The following TG variants were observed in gnomAD, a reference collection of about 807,000 sequenced individuals.
TG encodes the protein thyroglobulin, also known as thyroid hormones.
TG carries 270 observed loss-of-function variants against 324.7 expected under a neutral mutation model. The ratio of observed to expected loss-of-function variants is 0.83; its 90% CI spans 0.75 to 0.92. The LOEUF (loss-of-function observed/expected upper bound fraction) is 0.92, where lower values mean the gene tolerates loss of function less well. Among genes scored for constraint, TG ranks in the 40% least tolerant of loss-of-function variants. TG has a pLI of 0.00. For synonymous variants in TG, 1,401 were observed against 1,327.0 expected (o/e 1.06, Z -1.21); for missense variants, 3,591 against 3,456.4 (o/e 1.04, Z -0.98).
intron 40 of TG, among the ~76,000 whole-genome samples, 161 bp from the exon 41 acceptor site, chr8:133,029,660 C>A (rs953266881): frequency 6.6e-6 from 1 of 152,268 alleles, no homozygotes; most frequent in South Asian, 2.1e-4. Context: ...TGCTCCTCCA[C>A]TGTTCCTCAC....
intron 35 of TG, among the ~76,000 whole-genome samples, chr8:133,004,779 G>T (rs1469360901): frequency 6.6e-6 from 1 of 152,126 alleles, no homozygotes; most frequent in Non-Finnish European, 1.5e-5. Context: ...TGAGTGCTGT[G>T]ACCAGATGCG....
intron 35 of TG, among the ~76,000 whole-genome samples, chr8:132,985,116 G>A (rs1831363982): frequency 6.6e-6 from 1 of 152,080 alleles, no homozygotes; most frequent in Admixed American, 6.6e-5. Flanking sequence ...ATAGCCGTGT[G>A]TTCAACGACA....
chr8:133,112,703 T>C (rs887952625), intron 43 of TG, among the ~76,000 whole-genome samples: 3 of 152,196 alleles, frequency 2.0e-5, no homozygotes, highest in African/African-American at 7.2e-5. Flanking sequence ...GAGAACTGCG[T>C]GCCTTTCCTG....
At chr8:133,018,792 A>G (rs1835295519) in intron 38 of TG, among the ~76,000 whole-genome samples, 1 of 152,058 alleles carries the variant, frequency 6.6e-6, no homozygotes, top group South Asian at 2.1e-4. Flanking sequence ...CATACCCATT[A>G]TCACCATGGC....
chr8:132,960,971 C>T, intron 27 of TG, 37 bp from the exon 28 acceptor site: 6 of 1,603,492 alleles, frequency 3.7e-6, no homozygotes, highest in Non-Finnish European at 5.1e-6. Context: ...AGTGACAGCA[C>T]ACTCAAGCTC....
intron 16 of TG, among the ~76,000 whole-genome samples, chr8:132,906,475 T>A (rs1818696883): frequency 6.6e-6 from 1 of 151,990 alleles, no homozygotes; most frequent in Non-Finnish European, 1.5e-5. Flanking sequence ...AGGTGTCTGT[T>A]AAAACTGAGA....
Position 133,030,115 on chromosome 8 carries a change from TG to T in TG, c.7239+93del, listed in dbSNP as rs1345819351. The T allele has an allele frequency of 3.3e-6, 5 of 1,501,852 alleles. No individual in the cohort carries two copies. In the African/African-American group the frequency reaches 6.9e-5, roughly 21 times the overall value. The allele number at this position is 1,501,852 out of a possible 1,614,324, so 93.0% of individuals were successfully genotyped here. A position where few individuals can be genotyped will look rare whatever the true frequency, so the allele number is the denominator to read the frequency against. ...CTGCAAAAGTCTAGTTGGCTTCAAT[TG>T]CTTGGGTTTCCCTTGTCCTTTGTCC... On this transcript the variant is annotated intron_variant, in intron 41 of 47. Transcript: ENST00000220616.
intron 16 of TG, among the ~76,000 whole-genome samples, chr8:132,904,720 A>G (rs73708396): frequency 0.014 from 2,180 of 152,266 alleles, 53 homozygotes; most frequent in African/African-American, 0.05. Context: ...TCACTGGCCC[A>G]CTTCCAAAAG....
chr8:132,908,413 C>A, intron 18 of TG, 73 bp downstream of exon 18: 2 of 1,243,374 alleles, frequency 1.6e-6, no homozygotes, highest in South Asian at 1.3e-5. Context: ...AACCTGAGGG[C>A]TCACATTAAC....
At chr8:132,972,018 C>A in intron 33 of TG, 145 bp downstream of exon 33, 6 of 711,980 alleles carry the variant, frequency 8.4e-6, no homozygotes, top group Non-Finnish European at 7.8e-6. Flanking sequence ...GGGCAACTGG[C>A]TAATAAATGT....
At chr8:133,024,901 T>C (rs570317424) in intron 40 of TG, among the ~76,000 whole-genome samples, 2 of 152,212 alleles carry the variant, frequency 1.3e-5, no homozygotes, top group Non-Finnish European at 2.9e-5. Context: ...CGTAGAATGA[T>C]TTGGCGATTC....
intron 41 of TG, among the ~76,000 whole-genome samples, chr8:133,093,885 A>G (rs73354638): frequency 0.036 from 5,489 of 152,278 alleles, 340 homozygotes; most frequent in African/African-American, 0.13. Flanking sequence ...AATTGCTGTG[A>G]GGGTCTGATG....
chr8:133,081,073 A>T (rs918676162), intron 41 of TG, among the ~76,000 whole-genome samples: 50 of 152,264 alleles, frequency 3.3e-4, no homozygotes, highest in African/African-American at 1.2e-3. Flanking sequence ...CAGTGATGTT[A>T]CTAATACTAC....
intron 41 of TG, among the ~76,000 whole-genome samples, chr8:133,056,482 A>G (rs923696083): frequency 1.3e-5 from 2 of 152,298 alleles, no homozygotes; most frequent in East Asian, 3.9e-4. Context: ...CTTCCAGAGC[A>G]TGGGGGCTTC....
chr8:133,131,185 C>T (rs561851711), intron 45 of TG, among the ~76,000 whole-genome samples: 1 of 152,366 alleles, frequency 6.6e-6, no homozygotes, highest in South Asian at 2.1e-4. Context: ...GGCCCATGTA[C>T]CAGGCTCCTC....
At chr8:132,967,716 A>G in intron 30 of TG, 78 bp from the exon 31 acceptor site, 2 of 1,519,404 alleles carry the variant, frequency 1.3e-6, no homozygotes, top group East Asian at 2.3e-5. Context: ...GCATTTCCCC[A>G]CCCAGAGAAT....
intron 41 of TG, among the ~76,000 whole-genome samples, chr8:133,068,101 T>G (rs1476228998): frequency 6.6e-6 from 1 of 152,166 alleles, no homozygotes; most frequent in African/African-American, 2.4e-5. Flanking sequence ...TCATAAAGCA[T>G]CACTTGAAAA....
chr8:132,935,137 CTTT>C (rs34047530), intron 24 of TG, among the ~76,000 whole-genome samples: 3 of 136,404 alleles, frequency 2.2e-5, no homozygotes, highest in African/African-American at 7.9e-5. Context: ...CTGGCAAACT[CTTT>C]TTTTTTTTTT....
At chr8:133,072,859 G>A (rs575346595) in intron 41 of TG, 1 of 152,278 alleles carries the variant, frequency 6.6e-6, no homozygotes, top group South Asian at 2.1e-4. Context: ...TATATCAGAG[G>A]GAGGAACAAG....
Sources: allele counts gnomAD v4.1 joint callset (sites outside exome capture counted in the v4.1 genomes callset), GRCh38; gene constraint gnomAD v4.1.1; transcripts MANE v1.5; gene names NCBI Gene and HGNC (gene_info 2026-07-23, HGNC 2026-07-21).